UNC80: variants seen among roughly 807,000 people sequenced by gnomAD.
UNC80 encodes the protein unc-80 subunit of NALCN channel complex, also known as protein unc-80 homolog.
A neutral mutation model predicts 384.6 loss-of-function variants in UNC80; 164 were observed. The ratio of observed to expected loss-of-function variants is 0.43; its 90% CI spans 0.38 to 0.49. The LOEUF (loss-of-function observed/expected upper bound fraction) is 0.49. Ranked by LOEUF, UNC80 falls within the 20% of genes least tolerant of loss-of-function variation. UNC80 has a pLI of 0.00. For synonymous variants in UNC80, 1,486 were observed against 1,527.8 expected (o/e 0.97, Z 0.64); for missense variants, 3,330 against 4,143.0 (o/e 0.80, Z 5.39).
intron 45 of UNC80, among the ~76,000 whole-genome samples, chr2:209,944,003 G>A (rs1330636572): frequency 6.6e-6 from 1 of 152,144 alleles, no homozygotes; most frequent in Non-Finnish European, 1.5e-5. Context: ...GTTGTTGCAG[G>A]TTGTGGGTCA....
At chr2:209,871,305 G>T (rs921640451) in intron 22 of UNC80, among the ~76,000 whole-genome samples, 2 of 152,080 alleles carry the variant, frequency 1.3e-5, no homozygotes, top group African/African-American at 4.8e-5. Flanking sequence ...TGAGACCTGG[G>T]TTGAATTTTA....
chr2:209,984,157 C>T (rs1451162981), intron 60 of UNC80, among the ~76,000 whole-genome samples: 1 of 152,146 alleles, frequency 6.6e-6, no homozygotes, highest in Non-Finnish European at 1.5e-5. Context: ...ATCAATCAAT[C>T]GATAAACAAT....
intron 13 of UNC80, among the ~76,000 whole-genome samples, chr2:209,825,629 A>G (rs1368035074): frequency 6.6e-6 from 1 of 152,158 alleles, no homozygotes; most frequent in Non-Finnish European, 1.5e-5. Context: ...AACAGCAGTC[A>G]AGGATATAAA....
rs776605656 is a variant in UNC80, at chr2:209,945,929, C to T, written c.7272C>T (p.Pro2424=). The T allele has an allele frequency of 4.5e-6, 7 of 1,550,982 alleles. No individual in the cohort carries two copies. The highest frequency in any genetic ancestry group is 2.4e-5 in the East Asian group (1 of 40,930). The stretch of plus-strand genomic sequence containing the variant: ...GTGTCACTGTGGTGGCGTATGCTCC[C>T]GAATCATTCAGAAGGTATCTGCAGC... ...KLCVTVVAYA[P]ESFRSLQMLM... Residue 2424 remains proline (P), a synonymous_variant, in exon 47 of 65, where the codon CCC becomes CCT. Coordinates refer to ENST00000673920, the MANE Select transcript of UNC80 (RefSeq NM_001371986.1).
chr2:209,777,500 T>A lies in UNC80; in HGVS notation c.541T>A (p.Ser181Thr). ...ENNRRKIFQN[S>T]MATVELFVFL... ...CAACCGAAGAAAGATCTTCCAGAAC[T>A]CCATGGCTACTGTGGAGCTCTTCGT... is the stretch of plus-strand genomic sequence containing the variant. Residue 181 changes from serine (S) to threonine (T), a missense_variant, in exon 4 of 65, where the codon TCC becomes ACC. Transcript: ENST00000673920. 6.2e-7 allele frequency: 1 copy of A among 1,614,154 alleles called. No homozygotes were observed. Among genetic ancestry groups the A allele is most frequent in the South Asian group, 1.1e-5 (1 of 91,074 alleles).
At chr2:209,803,957 G>C (rs2078719406) in intron 7 of UNC80, among the ~76,000 whole-genome samples, 1 of 152,074 alleles carries the variant, frequency 6.6e-6, no homozygotes, top group East Asian at 1.9e-4. Flanking sequence ...GGCTGGTCTT[G>C]AACCCCTGGC....
intron 22 of UNC80, among the ~76,000 whole-genome samples, chr2:209,859,749 T>A (rs1160408353): frequency 6.6e-6 from 1 of 152,214 alleles, no homozygotes; most frequent in East Asian, 1.9e-4. Flanking sequence ...TGGTATCTGA[T>A]TGTGTTTCCG....
chr2:209,881,258 T>A (rs2085265308), intron 25 of UNC80, among the ~76,000 whole-genome samples, 164 bp downstream of exon 25: 1 of 152,228 alleles, frequency 6.6e-6, no homozygotes, highest in African/African-American at 2.4e-5. Context: ...AATGCTCTTT[T>A]CCTCATTACA....
At chr2:209,940,339 T>C (rs2091543787) in intron 43 of UNC80, among the ~76,000 whole-genome samples, 1 of 152,214 alleles carries the variant, frequency 6.6e-6, no homozygotes, top group South Asian at 2.1e-4. Context: ...GCATAGTGCA[T>C]ATTTTTGTCA....
At position 209,973,280 on chromosome 2, in the gene UNC80, T is replaced by TTCTC. The variant is rs141804658; in HGVS notation, c.8587+24_8587+27dup. On this transcript the variant is annotated intron_variant, in intron 56 of 64. Coordinates refer to ENST00000673920, the MANE Select transcript of UNC80 (RefSeq NM_001371986.1). ...CAAGCAGCATACTTGGGTTGGTACT[T>TTCTC]TCTCTCTCTCTCTCTCTGTTTGTGC... 2.1e-5 allele frequency: 32 copies of TTCTC among 1,518,614 alleles called. No individual in the cohort carries two copies. The highest frequency in any genetic ancestry group is 2.8e-5 in the Non-Finnish European group (31 of 1,126,258). The allele number at this position is 1,518,614 out of a possible 1,614,324, so 94.1% of individuals were successfully genotyped here.
chr2:209,808,762 G>A (rs952719828), intron 7 of UNC80: 4 of 247,802 alleles, frequency 1.6e-5, no homozygotes, highest in Non-Finnish European at 2.4e-5. Context: ...GGTCGCCTGC[G>A]CTACTTCTGC....
At chr2:209,857,339 A>G (rs1284953155) in intron 22 of UNC80, among the ~76,000 whole-genome samples, 1 of 152,150 alleles carries the variant, frequency 6.6e-6, no homozygotes, top group Non-Finnish European at 1.5e-5. Context: ...TTTCTTCCTG[A>G]GACAGTTTAA....
chr2:209,859,105 T>G (rs1363845443), intron 22 of UNC80, among the ~76,000 whole-genome samples: 1 of 152,208 alleles, frequency 6.6e-6, no homozygotes, highest in Non-Finnish European at 1.5e-5. Context: ...ATGTGCAGAA[T>G]GTACAGATGT....
In UNC80 at chr2:209,919,469, C is replaced by T. The variant is rs149528008; in HGVS notation, c.5343+806C>T. On this transcript the variant is annotated intron_variant, in intron 33 of 64. Coordinates refer to ENST00000673920, the MANE Select transcript of UNC80 (RefSeq NM_001371986.1). ...CCCAGAAAAGTTATATCACTTTGTCCTTATAGAATAGAATTGAAAAGTATC... is the reference window on the plus strand; with the variant it reads ...CCCAGAAAAGTTATATCACTTTGTCTTTATAGAATAGAATTGAAAAGTATC... Among the ~76,000 whole-genome samples the T allele has an allele frequency of 3.9e-3, 594 of 152,160 alleles. 6 individuals are homozygous for T. Among genetic ancestry groups the T allele is most frequent in the African/African-American group, 0.013 (559 of 41,524 alleles).
At chr2:209,781,032 T>G (rs1257473001) in intron 4 of UNC80, among the ~76,000 whole-genome samples, 1 of 152,186 alleles carries the variant, frequency 6.6e-6, no homozygotes, top group Non-Finnish European at 1.5e-5. Flanking sequence ...GTCCTTTCCT[T>G]GATTTTTCCC....
In UNC80 at chr2:209,918,663, T is replaced by C; in HGVS notation, c.5343T>C (p.Ser1781=). 6.5e-7 allele frequency: 1 copy of C among 1,545,486 alleles called. No individual in the cohort carries two copies. Among genetic ancestry groups the C allele is most frequent in the Non-Finnish European group, 8.7e-7 (1 of 1,142,874 alleles). ...SVQDPINEDQ[S]KSFSARAVSR... is the part of the protein sequence containing the mutation. ...AGGACCCCATTAATGAAGACCAGTCTGTGAGTAACAGACACTTCCAGGTTC... is the reference window on the plus strand; with the variant it reads ...AGGACCCCATTAATGAAGACCAGTCCGTGAGTAACAGACACTTCCAGGTTC... The change falls in exon 33 of 65, where the codon TCT becomes TCC. Residue 1781 remains serine (S), a splice_region_variant and synonymous_variant. Coordinates refer to ENST00000673920, the MANE Select transcript of UNC80 (RefSeq NM_001371986.1).
chr2:209,894,383 G>C lies in UNC80; in HGVS notation c.4480+17G>C. The C allele has an allele frequency of 1.0e-6, 1 of 984,424 alleles. No individual in the cohort carries two copies. The highest frequency in any genetic ancestry group is 1.2e-6 in the Non-Finnish European group (1 of 829,086). The allele number at this position is 984,424 out of a possible 1,614,324, so 61.0% of individuals were successfully genotyped here. On this transcript the variant is annotated intron_variant, in intron 27 of 64. Coordinates refer to ENST00000673920, the MANE Select transcript of UNC80 (RefSeq NM_001371986.1). Reference sequence around the variant, plus strand: ...CTGACCTAGGTAACATAGAGGAGTGGGGTGTGCAGGGACGTGGGGGGTAGG... The same window carrying C: ...CTGACCTAGGTAACATAGAGGAGTGCGGTGTGCAGGGACGTGGGGGGTAGG...
intron 44 of UNC80, among the ~76,000 whole-genome samples, chr2:209,942,741 T>C (rs542729646): frequency 5.3e-5 from 8 of 152,222 alleles, no homozygotes; most frequent in Non-Finnish European, 7.4e-5. Context: ...AAAGCGATTA[T>C]GTTCATTACA....
At chr2:209,962,382 G>A (rs376507679) in intron 51 of UNC80, among the ~76,000 whole-genome samples, 3 of 152,230 alleles carry the variant, frequency 2.0e-5, no homozygotes, top group Middle Eastern at 3.4e-3. Context: ...TCATTTTGGC[G>A]TATTGCTTTC....
Sources: allele counts gnomAD v4.1 joint callset (sites outside exome capture counted in the v4.1 genomes callset), GRCh38; gene constraint gnomAD v4.1.1; transcripts MANE v1.5; gene names NCBI Gene and HGNC (gene_info 2026-07-23, HGNC 2026-07-21).